The following PPARG variants were observed in gnomAD, a reference collection of about 807,000 sequenced individuals.
The protein encoded by PPARG is peroxisome proliferator activated receptor gamma, also known as peroxisome proliferator-activated receptor gamma.
Under a neutral mutation model 39.2 loss-of-function variants are expected in PPARG, and 17 were observed. That is an observed-to-expected ratio of 0.43 (90% CI 0.30 to 0.65). The LOEUF (loss-of-function observed/expected upper bound fraction) is 0.65. Ranked by LOEUF, PPARG falls within the 30% of genes least tolerant of loss-of-function variation. PPARG has a pLI of 0.13. For missense variants in PPARG, 406 were observed against 585.9 expected, an observed-to-expected ratio of 0.69 and a Z score of 3.17; for synonymous variants, 223 against 215.7, an observed-to-expected ratio of 1.03 and a Z score of -0.30.
At chr3:12,334,233 CT>C (rs1156995055) in intron 2 of PPARG, among the ~76,000 whole-genome samples, 22 of 144,320 alleles carry the variant, frequency 1.5e-4, no homozygotes, top group African/African-American at 2.0e-4. Flanking sequence ...TTCTTTTTTT[CT>C]TTTTTTTTTT....
chr3:12,355,280 C>T (rs4135249), intron 2 of PPARG, among the ~76,000 whole-genome samples: 18,739 of 152,024 alleles, frequency 0.12, 1,394 homozygotes, highest in East Asian at 0.29. Flanking sequence ...GGACTACAGG[C>T]GTACCTTACC....
intron 2 of PPARG, among the ~76,000 whole-genome samples, chr3:12,372,572 A>T (rs975596856): frequency 6.6e-6 from 1 of 152,232 alleles, no homozygotes; most frequent in African/African-American, 2.4e-5. Flanking sequence ...TAATGTAAAT[A>T]TGAAGAAGAT....
chr3:12,334,363 C>T (rs2047950452), intron 2 of PPARG, among the ~76,000 whole-genome samples: 1 of 151,690 alleles, frequency 6.6e-6, no homozygotes, highest in Admixed American at 6.6e-5. Context: ...CCCAAGTAGC[C>T]AGGATTACAG....
chr3:12,379,601 G>C (rs1269122797), intron 2 of PPARG, 103 bp from the exon 3 acceptor site: 1 of 1,061,902 alleles, frequency 9.4e-7, no homozygotes, highest in African/African-American at 1.6e-5. Context: ...GCCCAGATGA[G>C]ATTACTTTGC....
intron 7 of PPARG, among the ~76,000 whole-genome samples, chr3:12,426,221 T>C (rs2051441055): frequency 6.6e-6 from 1 of 152,238 alleles, no homozygotes; most frequent in Admixed American, 6.5e-5. Flanking sequence ...AGCAATTAAA[T>C]GTGAAACTGT....
upstream of PPARG, chr3:12,287,387 C>T (rs2046523370): frequency 6.6e-6 from 1 of 152,234 alleles, no homozygotes; most frequent in Admixed American, 6.5e-5. Flanking sequence ...ACGCAAGGAA[C>T]TCTGAAAGTG....
At chr3:12,334,221 T>C (rs1479847868) in intron 2 of PPARG, among the ~76,000 whole-genome samples, 1 of 151,310 alleles carries the variant, frequency 6.6e-6, no homozygotes, top group East Asian at 1.9e-4. Flanking sequence ...TTTTATTTTC[T>C]TTTCTTTTTT....
At chr3:12,353,252 A>G (rs1279260406) in intron 2 of PPARG, among the ~76,000 whole-genome samples, 1 of 152,230 alleles carries the variant, frequency 6.6e-6, no homozygotes, top group African/African-American at 2.4e-5. Context: ...TTAAAACATT[A>G]TATTTTGTAC....
intron 2 of PPARG, among the ~76,000 whole-genome samples, chr3:12,366,557 C>T (rs1406241618): frequency 6.6e-6 from 1 of 152,086 alleles, no homozygotes; most frequent in Non-Finnish European, 1.5e-5. Context: ...CTCACCATTA[C>T]TTATGATGTT....
chr3:12,328,739 C>G (rs539034672), intron 2 of PPARG, among the ~76,000 whole-genome samples: 2 of 152,356 alleles, frequency 1.3e-5, no homozygotes, highest in East Asian at 1.9e-4. Context: ...GCCCTCTTCT[C>G]TTTTCCCTTC....
intron 2 of PPARG, among the ~76,000 whole-genome samples, chr3:12,368,880 TC>T (rs1222979965): frequency 6.6e-6 from 1 of 152,188 alleles, no homozygotes; most frequent in Non-Finnish European, 1.5e-5. Context: ...TTTCTTTCAT[TC>T]TACTTGAAAC....
At chr3:12,351,795 G>A (rs774909754) in intron 2 of PPARG, 161 of 777,154 alleles carry the variant, frequency 2.1e-4, no homozygotes, top group Non-Finnish European at 3.2e-4. Flanking sequence ...GTACACTCCA[G>A]TATTTTAATG....
intron 7 of PPARG, among the ~76,000 whole-genome samples, chr3:12,421,614 A>G (rs1269513210): frequency 2.6e-5 from 4 of 152,194 alleles, no homozygotes; most frequent in African/African-American, 9.7e-5. Flanking sequence ...TTAATTCAAA[A>G]CAGTTTGGAA....
intron 4 of PPARG, among the ~76,000 whole-genome samples, chr3:12,385,196 G>A (rs2049828131): frequency 6.6e-6 from 1 of 152,192 alleles, no homozygotes; most frequent in Non-Finnish European, 1.5e-5. Flanking sequence ...CACATTTGCT[G>A]TTGTAGTAAA....
intron 7 of PPARG, among the ~76,000 whole-genome samples, chr3:12,423,677 T>C (rs1028986178): frequency 6.6e-6 from 1 of 152,146 alleles, no homozygotes; most frequent in Non-Finnish European, 1.5e-5. Context: ...AACATAGATA[T>C]TAAAAATACT....
At chr3:12,334,198 G>C (rs1453360754) in intron 2 of PPARG, among the ~76,000 whole-genome samples, 2 of 151,362 alleles carry the variant, frequency 1.3e-5, no homozygotes, top group African/African-American at 4.9e-5. Flanking sequence ...AAAGTTTGTT[G>C]ACTTGGCTTA....
At chr3:12,328,038 T>C (rs574232361) in intron 2 of PPARG, 1 of 1,364,438 alleles carries the variant, frequency 7.3e-7, no homozygotes, top group African/African-American at 1.4e-5. Context: ...CGAAAAAGCA[T>C]GCACATCTTA....
chr3:12,356,133 A>G (rs1049484710), intron 2 of PPARG, among the ~76,000 whole-genome samples: 1 of 152,212 alleles, frequency 6.6e-6, no homozygotes, highest in Non-Finnish European at 1.5e-5. Flanking sequence ...CTTCATATCC[A>G]TCTACTAGTG....
At chr3:12,377,316 G>C (rs2049450976) in intron 2 of PPARG, among the ~76,000 whole-genome samples, 1 of 151,834 alleles carries the variant, frequency 6.6e-6, no homozygotes, top group Non-Finnish European at 1.5e-5. Flanking sequence ...TTTTGTTTTG[G>C]GGATGGTTTA....
Sources: gnomAD v4.1 joint callset for allele counts (sites outside exome capture counted in the v4.1 genomes callset) on GRCh38, gnomAD v4.1.1 for gene constraint, MANE v1.5 for transcripts, NCBI Gene and HGNC (gene_info 2026-07-23, HGNC 2026-07-21) for gene names.